REST: variants seen among roughly 807,000 people sequenced by gnomAD.
REST encodes the protein RE1 silencing transcription factor.
A neutral mutation model predicts 30.4 loss-of-function variants in REST; 1 was observed. The ratio of observed to expected loss-of-function variants is 0.03; its 90% confidence interval spans 0.01 to 0.16. The LOEUF is 0.16. REST is among the 10% of genes least tolerant of loss of function. The pLI is 1.00. For synonymous variants in REST, 504 were observed against 451.1 expected, an observed-to-expected ratio of 1.12 and a Z score of -1.49; for missense variants, 1,259 against 1,329.5, an observed-to-expected ratio of 0.95 and a Z score of 0.82.
Position 56,931,772 on chromosome 4 carries a change from C to G in REST, c.2914C>G (p.Pro972Ala), listed in dbSNP as rs1720985125. ...INSTVEEPVS[P>A]MLPPSAVEER... ...TTCAACAGTTGAAGAACCAGTTTCA[C>G]CAATGCTTCCCCCTTCAGCAGTAGA... Residue 972 changes from proline (P) to alanine (A), a missense_variant, in exon 4 of 4, where the codon CCA becomes GCA. This residue lies in a region of REST where 856 missense variants were observed against 772.8 expected (regional missense o/e 1.11). Coordinates refer to ENST00000309042, the MANE Select transcript of REST (RefSeq NM_005612.5). The G allele has an allele frequency of 6.2e-7, 1 of 1,614,210 alleles. No individual in the cohort carries two copies. The highest frequency in any genetic ancestry group is 8.5e-7 in the Non-Finnish European group (1 of 1,180,038).
chr4:56,910,400 G>T (rs558827654), intron 1 of REST, among the ~76,000 whole-genome samples: 4 of 152,330 alleles, frequency 2.6e-5, no homozygotes, highest in Non-Finnish European at 4.4e-5. Context: ...CAAACAATTG[G>T]TAGAATTGTT....
chr4:56,917,033 T>A (rs1027553081), intron 2 of REST, among the ~76,000 whole-genome samples: 4 of 62,934 alleles, frequency 6.4e-5, no homozygotes, highest in Non-Finnish European at 1.2e-4. Flanking sequence ...TTAACATCTG[T>A]CTTTGTGATT....
intron 2 of REST, among the ~76,000 whole-genome samples, chr4:56,911,823 C>T (rs1719932788): frequency 6.6e-6 from 1 of 152,168 alleles, no homozygotes; most frequent in Non-Finnish European, 1.5e-5. Flanking sequence ...TTGGGGTTTA[C>T]CTTCAGCAAG....
rs1295173943 is a variant in REST, at chr4:56,930,948, A to G, written c.2090A>G (p.Glu697Gly). The change falls in exon 4 of 4, where the codon GAG becomes GGG. Residue 697 changes from glutamate to glycine, a missense_variant. By Grantham distance (98) the Glu-to-Gly change is moderately conservative (BLOSUM62 -2). Transcript: ENST00000309042. ...CCTCCCATGGAGACTGCTCAGACGG[A>G]GGTTGCCCAAATGGGGCCTGCTCCC... ...LPPPMETAQT[E>G]VAQMGPAPME... is the part of the protein sequence containing the mutation. 4.3e-6 allele frequency: 7 copies of G among 1,613,790 alleles called. No homozygotes were observed. The South Asian group carries it at 6.6e-5, about 15-fold the overall frequency.
In REST at chr4:56,931,244, G is replaced by A; in HGVS notation, c.2386G>A (p.Glu796Lys). The change falls in exon 4 of 4, where the codon GAG becomes AAG. Residue 796 changes from glutamate (E) to lysine (K), a missense_variant. Around this residue, in one of 5 missense-constraint regions of REST, gnomAD observed 856 missense variants for 772.8 expected, o/e 1.11. Transcript: ENST00000309042. Reference sequence around the variant, plus strand: ...GGTTCAGAAGGAGCCTGCTCAGAGGGAGCCACCTCCTCCCAGAGAGCCTCC... The same window carrying A: ...GGTTCAGAAGGAGCCTGCTCAGAGGAAGCCACCTCCTCCCAGAGAGCCTCC... The part of the protein sequence containing the change: ...GVVQKEPAQR[E>K]PPPPREPPLH... 1 of 1,614,220 alleles carries A rather than the reference G, an allele frequency of 6.2e-7. No homozygotes were observed. The highest frequency in any genetic ancestry group is 8.5e-7 in the Non-Finnish European group (1 of 1,180,028).
At chr4:56,923,242 T>C (rs981649175) in intron 3 of REST, among the ~76,000 whole-genome samples, 3 of 152,226 alleles carry the variant, frequency 2.0e-5, no homozygotes, top group Admixed American at 2.0e-4. Flanking sequence ...GATTACATAT[T>C]ATAGGATACA....
Position 56,907,921 on chromosome 4 carries a change from G to A in REST, c.-302G>A, listed in dbSNP as rs1201107132. The stretch of plus-strand genomic sequence containing the variant: ...CTGGGTGCGCGGCGCAGCGTCCTGT[G>A]TTGGAATGTGCGGCTGCCGCGAGCT... On this transcript the variant is annotated 5_prime_UTR_variant, in exon 1 of 4. Coordinates refer to ENST00000309042, the MANE Select transcript of REST (RefSeq NM_005612.5). 7.5e-6 allele frequency: 2 copies of A among 267,254 alleles called. No homozygotes were observed. The highest frequency in any genetic ancestry group is 1.4e-5 in the Non-Finnish European group (2 of 143,234). The allele number at this position is 267,254 out of a possible 1,614,324, so 16.6% of individuals were successfully genotyped here. A position where few individuals can be genotyped will look rare whatever the true frequency, so the allele number is the denominator to read the frequency against.
At chr4:56,926,209 A>G (rs1163800408) in intron 3 of REST, among the ~76,000 whole-genome samples, 2 of 151,430 alleles carry the variant, frequency 1.3e-5, no homozygotes, top group Non-Finnish European at 2.9e-5. Flanking sequence ...ACAGGCATGC[A>G]CCACCACGCC....
intron 3 of REST, among the ~76,000 whole-genome samples, chr4:56,928,213 TCTC>T (rs1720798038): frequency 1.3e-5 from 2 of 152,206 alleles, no homozygotes; most frequent in East Asian, 1.9e-4. Context: ...TCCAAGCAAT[TCTC>T]CTTCTTCAGC....
At chr4:56,928,573 G>T (rs1720812715) in intron 3 of REST, among the ~76,000 whole-genome samples, 1 of 150,972 alleles carries the variant, frequency 6.6e-6, no homozygotes, top group Non-Finnish European at 1.5e-5. Flanking sequence ...ACTCCACCAT[G>T]CCTGGCTAAT....
Position 56,935,004 on chromosome 4 carries a change from G to T in REST, c.*2852G>T, listed in dbSNP as rs537844004. The T allele has an allele frequency of 1.4e-5, 2 of 145,848 alleles. No homozygotes were observed. The highest frequency in any genetic ancestry group is 3.0e-5 in the Non-Finnish European group (2 of 66,544). The allele number at this position is 145,848 out of a possible 1,614,324, so 9.0% of individuals were successfully genotyped here. ...TTTTTAGTTGTGTAATTCACAAAGG[G>T]CTGCATTTTTTTTTTTTTTTAATAA... On this transcript the variant is annotated 3_prime_UTR_variant, in exon 4 of 4. Transcript: ENST00000309042.
intron 3 of REST, among the ~76,000 whole-genome samples, chr4:56,924,977 C>G (rs1017184171): frequency 1.8e-4 from 28 of 152,034 alleles, no homozygotes; most frequent in Admixed American, 5.2e-4. Flanking sequence ...ACCAGGCTGG[C>G]CAACATGGTG....
chr4:56,934,859 T>G lies in REST; in HGVS notation c.*2707T>G, dbSNP rs1402347720. ...TATTATAAGCCTTAATCTTAGGTAG[T>G]CTTATGAAAATGAATCTCTTAACTA... On this transcript the variant is annotated 3_prime_UTR_variant, in exon 4 of 4. Coordinates refer to ENST00000309042, the MANE Select transcript of REST (RefSeq NM_005612.5). 6.6e-6 allele frequency: 1 copy of G among 152,204 alleles called. No individual in the cohort carries two copies. The highest frequency in any genetic ancestry group is 1.5e-5 in the Non-Finnish European group (1 of 68,032). The allele number at this position is 152,204 out of a possible 1,614,324, so 9.4% of individuals were successfully genotyped here.
chr4:56,916,324 G>T (rs1393596917), intron 2 of REST, among the ~76,000 whole-genome samples: 2 of 152,140 alleles, frequency 1.3e-5, no homozygotes, highest in Non-Finnish European at 2.9e-5. Context: ...GGAGAGTTAT[G>T]CCTAGTTTGT....
intron 2 of REST, among the ~76,000 whole-genome samples, chr4:56,913,840 G>A (rs1426940668): frequency 1.3e-5 from 2 of 152,052 alleles, no homozygotes; most frequent in African/African-American, 4.8e-5. Flanking sequence ...AGTAGAGATG[G>A]GGTTTCACTA....
rs774426666 is a variant in REST at position 56,911,132 on chromosome 4, A to G, written c.494A>G (p.Gln165Arg). 3.1e-6 allele frequency: 5 copies of G among 1,614,084 alleles called. No homozygotes were observed. The African/African-American group carries it at 6.7e-5, about 22-fold the overall frequency. Residue 165 changes from glutamine (Q) to arginine (R), a missense_variant, in exon 2 of 4, where the codon CAA (glutamine) becomes CGA (arginine). Gln to Arg is a conservative substitution (Grantham distance 43). This residue lies in a region of REST where 249 missense variants were observed against 251.5 expected (regional missense o/e 0.99). Coordinates refer to ENST00000309042, the MANE Select transcript of REST (RefSeq NM_005612.5). ...KTKPFRCKPC[Q>R]YEAESEEQFV... Reference sequence around the variant, plus strand: ...AAACCCTTTCGCTGTAAGCCATGCCAATATGAAGCAGAATCTGAAGAACAG... The same window carrying G: ...AAACCCTTTCGCTGTAAGCCATGCCGATATGAAGCAGAATCTGAAGAACAG...
intron 2 of REST, among the ~76,000 whole-genome samples, chr4:56,918,611 T>G (rs1224919164): frequency 6.6e-6 from 1 of 152,014 alleles, no homozygotes; most frequent in Non-Finnish European, 1.5e-5. Flanking sequence ...CAGGCTGGAG[T>G]ATAGTGGTGC....
chr4:56,929,575 T>TA (rs1720872427), intron 3 of REST, among the ~76,000 whole-genome samples: 1 of 152,246 alleles, frequency 6.6e-6, no homozygotes, highest in Non-Finnish European at 1.5e-5. Flanking sequence ...GTGTATGTCT[T>TA]AAAGAATCTC....
rs73165985 is a variant in REST, at chr4:56,912,928, G to C, written c.898+1392G>C. 2.5e-3 allele frequency among the ~76,000 whole-genome samples: 380 copies of C among 151,042 alleles called. 1 individual carries two copies. Among genetic ancestry groups the C allele is most frequent in the African/African-American group, 8.8e-3 (363 of 41,208 alleles). ...CCTAAATTGCTGGGATTATAGGGGTGGGCTACCGCACCCAGCCGAAACTTT... is the reference window on the plus strand; with the variant it reads ...CCTAAATTGCTGGGATTATAGGGGTCGGCTACCGCACCCAGCCGAAACTTT... On this transcript the variant is annotated intron_variant, in intron 2 of 3. Transcript: ENST00000309042.
Sources: gnomAD v4.1 joint callset for allele counts (sites outside exome capture counted in the v4.1 genomes callset) on GRCh38, gnomAD v4.1.1 for gene constraint, gnomAD v4.1.1 regional missense constraint, MANE v1.5 for transcripts, NCBI Gene and HGNC (gene_info 2026-07-23, HGNC 2026-07-21) for gene names.